The following PCDHGA2 variants were observed in gnomAD, a reference collection of about 807,000 sequenced individuals.
PCDHGA2 encodes protocadherin gamma subfamily A, 2, also known as protocadherin gamma-A2.
Under a neutral mutation model 59.2 loss-of-function variants are expected in PCDHGA2, and 40 were observed. The ratio of observed to expected loss-of-function variants is 0.68; its 90% CI spans 0.52 to 0.88. The LOEUF (loss-of-function observed/expected upper bound fraction) is 0.88, where lower values mean the gene tolerates loss of function less well. Ranked by LOEUF, PCDHGA2 falls within the 40% of genes least tolerant of loss-of-function variation. The probability of loss-of-function intolerance (pLI) is 0.00; values close to 1 mark genes in which losing one functional copy is unlikely to be tolerated. For missense variants in PCDHGA2, 1,226 were observed against 1,204.0 expected, an observed-to-expected ratio of 1.02 and a Z score of -0.27; for synonymous variants, 560 against 526.0, an observed-to-expected ratio of 1.06 and a Z score of -0.89.
intron 1 of PCDHGA2, chr5:141,421,807 G>C (rs1435916603): frequency 6.2e-7 from 1 of 1,613,852 alleles, no homozygotes; most frequent in Admixed American, 1.7e-5. Flanking sequence ...CAAGAATCCA[G>C]AGCTAGTACT....
intron 1 of PCDHGA2, chr5:141,350,201 G>A (rs1347326846): frequency 6.2e-6 from 9 of 1,440,752 alleles, no homozygotes; most frequent in Non-Finnish European, 8.3e-6. Context: ...AGTCCAGGGT[G>A]CTGCCATTTC....
In PCDHGA2 at chr5:141,431,465, AACG is replaced by A; in HGVS notation, c.2425-63339_2425-63337del. 1.9e-6 allele frequency: 3 copies of A among 1,613,790 alleles called. No homozygotes were observed. The highest frequency in any genetic ancestry group is 2.5e-6 in the Non-Finnish European group (3 of 1,179,970). ...CATCCGCGTGATGGTTCTGGATGCGAACGACAACGCACCAGCGTTTGCTCAGCC... is the reference window on the plus strand; with the variant it reads ...CATCCGCGTGATGGTTCTGGATGCGAACAACGCACCAGCGTTTGCTCAGCC... On this transcript the variant is annotated intron_variant, in intron 1 of 3. Transcript: ENST00000394576. The surrounding 1 kb of genome is among the most constrained non-coding windows in gnomAD (Gnocchi z 4.8).
chr5:141,395,317 A>G, intron 1 of PCDHGA2: 1 of 1,488,840 alleles, frequency 6.7e-7, no homozygotes, highest in Non-Finnish European at 9.0e-7. Flanking sequence ...AACATTGTGA[A>G]GATAGTTGAA....
At chr5:141,370,225 C>T in intron 1 of PCDHGA2, 1 of 577,904 alleles carries the variant, frequency 1.7e-6, no homozygotes. Flanking sequence ...CCGCTGCAGC[C>T]AGCTCGGAAG....
intron 1 of PCDHGA2, chr5:141,356,824 C>T: frequency 6.2e-7 from 1 of 1,614,146 alleles, no homozygotes; most frequent in Non-Finnish European, 8.5e-7. Flanking sequence ...AGACCCTCCA[C>T]TCAGCAGCAA....
rs760597498 is a variant in PCDHGA2 at position 141,350,693 on chromosome 5, C to A, written c.2424+9298C>A. On this transcript the variant is annotated intron_variant, in intron 1 of 3. Coordinates refer to ENST00000394576, the MANE Select transcript of PCDHGA2 (RefSeq NM_018915.4). ...CTTAGAAATTTGTGAGTCAGCCTTA[C>A]CCGGGGTAAAATTCTCTCTGGATTC... The A allele has an allele frequency of 3.7e-6, 6 of 1,613,390 alleles. No homozygotes were observed. In the African/African-American group the frequency reaches 8.0e-5, roughly 22 times the overall value.
At chr5:141,420,672 G>T (rs1478670282) in intron 1 of PCDHGA2, among the ~76,000 whole-genome samples, 1 of 152,296 alleles carries the variant, frequency 6.6e-6, no homozygotes, top group African/African-American at 2.4e-5. Flanking sequence ...CCTACCTGAT[G>T]ATTTTATCGG....
Position 141,364,517 on chromosome 5 carries a change from G to A in PCDHGA2, c.2424+23122G>A, listed in dbSNP as rs1264187226. Reference sequence around the variant, plus strand: ...GGAGCCCCAGGAGCTGGCGGAGCGCGGAGTCCGCATCGTCTCCAGAGGTAG... The same window carrying A: ...GGAGCCCCAGGAGCTGGCGGAGCGCAGAGTCCGCATCGTCTCCAGAGGTAG... On this transcript the variant is annotated intron_variant, in intron 1 of 3. Transcript: ENST00000394576. 10 of 1,613,912 alleles carry A rather than the reference G, an allele frequency of 6.2e-6. No homozygotes were observed. Among genetic ancestry groups the A allele is most frequent in the Non-Finnish European group, 7.6e-6 (9 of 1,179,914 alleles).
At chr5:141,368,352 CAT>C (rs965270733) in intron 1 of PCDHGA2, among the ~76,000 whole-genome samples, 1 of 152,006 alleles carries the variant, frequency 6.6e-6, no homozygotes, top group East Asian at 1.9e-4. Context: ...TATACACACA[CAT>C]ATATATACAC....
intron 1 of PCDHGA2, chr5:141,371,867 C>G (rs1452583584): frequency 6.2e-7 from 1 of 1,613,548 alleles, no homozygotes; most frequent in Non-Finnish European, 8.5e-7. Flanking sequence ...CCTACTACAT[C>G]GTGGCCAGTG....
intron 1 of PCDHGA2, among the ~76,000 whole-genome samples, chr5:141,458,526 A>T (rs921943954): frequency 1.7e-4 from 26 of 151,492 alleles, no homozygotes; most frequent in African/African-American, 5.6e-4. Flanking sequence ...TTTTTTTTTA[A>T]CTTATCAACT....
At chr5:141,398,923 G>A in intron 1 of PCDHGA2, 1 of 1,613,978 alleles carries the variant, frequency 6.2e-7, no homozygotes, top group Non-Finnish European at 8.5e-7. Context: ...GCAAGTGTCA[G>A]CCACTGACCA....
intron 1 of PCDHGA2, among the ~76,000 whole-genome samples, chr5:141,347,868 G>A (rs1758030852): frequency 6.6e-6 from 1 of 152,050 alleles, no homozygotes; most frequent in Non-Finnish European, 1.5e-5. Flanking sequence ...ATGCTTATGT[G>A]TGTATTCATT....
At position 141,346,212 on chromosome 5, in the gene PCDHGA2, G is replaced by C. The variant is rs750104038; in HGVS notation, c.2424+4817G>C. On this transcript the variant is annotated intron_variant, in intron 1 of 3. Transcript: ENST00000394576. The stretch of plus-strand genomic sequence containing the variant: ...CTGGCACAAGTCACGCCTGCTGCAG[G>C]CTTCGGGAGGCGGCTTGGCGAGTAC... 17 of 1,614,182 alleles carry C rather than the reference G, an allele frequency of 1.1e-5. No individual in the cohort carries two copies. In the South Asian group the frequency reaches 1.9e-4, roughly 18 times the overall value.
intron 1 of PCDHGA2, chr5:141,414,518 A>G (rs746198767): frequency 1.9e-6 from 3 of 1,614,000 alleles, no homozygotes; most frequent in Non-Finnish European, 2.5e-6. Flanking sequence ...CAAGTGGCAG[A>G]TATCAATGAC....
chr5:141,456,335 G>A (rs2098850730), intron 1 of PCDHGA2, among the ~76,000 whole-genome samples: 1 of 152,114 alleles, frequency 6.6e-6, no homozygotes. Flanking sequence ...TTGATCTAAG[G>A]GTCCTCGGAA....
At chr5:141,392,505 T>G (rs1271878225) in intron 1 of PCDHGA2, 1 of 227,850 alleles carries the variant, frequency 4.4e-6, no homozygotes, top group African/African-American at 2.3e-5. Flanking sequence ...ATGATTTTTT[T>G]TTCTCAGTAA....
intron 1 of PCDHGA2, chr5:141,362,659 C>A: frequency 7.4e-7 from 1 of 1,352,228 alleles, no homozygotes; most frequent in Non-Finnish European, 9.9e-7. Flanking sequence ...TAGATTTGGC[C>A]AATGTTGTGC....
intron 1 of PCDHGA2, chr5:141,355,462 G>A (rs1450885001): frequency 6.2e-7 from 1 of 1,614,088 alleles, no homozygotes; most frequent in Admixed American, 1.7e-5. Flanking sequence ...GGTCACCGCG[G>A]GTAGGATAGA....
Sources: allele counts gnomAD v4.1 joint callset (sites outside exome capture counted in the v4.1 genomes callset), GRCh38; gene constraint gnomAD v4.1.1; non-coding constraint Gnocchi (gnomAD v3.1); transcripts MANE v1.5; gene names NCBI Gene and HGNC (gene_info 2026-07-23, HGNC 2026-07-21).